Variants in SFMBT2 observed in about 807,000 individuals in gnomAD.
SFMBT2 encodes the protein scm-like with four MBT domains protein 2.
In SFMBT2, 38 loss-of-function variants were observed where a neutral mutation model predicts 110.1. The observed-to-expected ratio is 0.35, with a 90% CI of 0.27 to 0.45. The LOEUF is 0.45. SFMBT2 is among the 20% of genes least tolerant of loss of function. The pLI, the probability that SFMBT2 is intolerant of heterozygous loss-of-function variation, is 1.00. For synonymous variants in SFMBT2, 425 were observed against 425.4 expected (o/e 1.00, Z 0.01); for missense variants, 1,011 against 1,094.9 (o/e 0.92, Z 1.08).
chr10:7,276,746 T>G, intron 7 of SFMBT2, 146 bp downstream of exon 7: 1 of 606,334 alleles, frequency 1.6e-6, no homozygotes, highest in Non-Finnish European at 3.0e-6. Flanking sequence ...CAGGATGGTC[T>G]CGATCTCCTG....
chr10:7,189,504 C>T (rs1838530709), intron 15 of SFMBT2, among the ~76,000 whole-genome samples: 1 of 152,212 alleles, frequency 6.6e-6, no homozygotes, highest in African/African-American at 2.4e-5. Context: ...CCCTAAGGTG[C>T]TCACCTTTCA....
intron 6 of SFMBT2, among the ~76,000 whole-genome samples, chr10:7,281,447 T>C (rs778951298): frequency 1.4e-4 from 21 of 152,252 alleles, no homozygotes; most frequent in South Asian, 4.1e-4. Flanking sequence ...AGTGCCTTCA[T>C]AGTGTTTGGG....
At chr10:7,365,856 G>T in intron 4 of SFMBT2, among the ~76,000 whole-genome samples, 1 of 152,162 alleles carries the variant, frequency 6.6e-6, no homozygotes, top group East Asian at 1.9e-4. Flanking sequence ...GACTTTGGAG[G>T]TGATAAAAGA....
At chr10:7,268,994 T>C (rs956931803) in intron 7 of SFMBT2, among the ~76,000 whole-genome samples, 9 of 152,270 alleles carry the variant, frequency 5.9e-5, no homozygotes, top group African/African-American at 1.9e-4. Context: ...ATGGATAGTA[T>C]ATGGATAGTT....
At chr10:7,389,773 T>A (rs1365079533) in intron 1 of SFMBT2, among the ~76,000 whole-genome samples, 1 of 152,238 alleles carries the variant, frequency 6.6e-6, no homozygotes. Context: ...CAATCACCCC[T>A]TTCAAATCTA....
Position 7,197,500 on chromosome 10 carries a change from T to TA in SFMBT2, c.1698+47dup, listed in dbSNP as rs758598462. Reference sequence around the variant, plus strand: ...TTCAGAAACTGAGCCCACAGCTTTTTAAAAAATCCTGTTAAAATAAGCCAA... The same window carrying TA: ...TTCAGAAACTGAGCCCACAGCTTTTTAAAAAAATCCTGTTAAAATAAGCCAA... On this transcript the variant is annotated intron_variant, in intron 15 of 20. Transcript: ENST00000397167. 22 of 1,593,008 alleles carry TA rather than the reference T, an allele frequency of 1.4e-5. No individual in the cohort carries two copies. In the African/African-American group the frequency reaches 2.7e-4, roughly 20 times the overall value.
Position 7,172,750 on chromosome 10 carries a change from C to T in SFMBT2, c.1985-89G>A. On this transcript the variant is annotated intron_variant, in intron 17 of 20. Coordinates refer to ENST00000397167, the MANE Select transcript of SFMBT2 (RefSeq NM_001387889.1). The surrounding 1 kb of genome is among the most constrained non-coding windows in gnomAD (Gnocchi z 4.6). ...GGAGAGAGAAAGAAGGGAAACGATT[C>T]TTTCATCTGATAGTTCATTTGTGCC... is the stretch of plus-strand genomic sequence containing the variant. The T allele has an allele frequency of 1.4e-6, 2 of 1,424,972 alleles. No homozygotes were observed. Among genetic ancestry groups the T allele is most frequent in the Non-Finnish European group, 1.9e-6 (2 of 1,055,666 alleles). The allele number at this position is 1,424,972 out of a possible 1,614,324, so 88.3% of individuals were successfully genotyped here.
At chr10:7,315,038 GAGAAAGAAAGAA>G (rs545155500) in intron 4 of SFMBT2, among the ~76,000 whole-genome samples, 2,871 of 82,196 alleles carry the variant, frequency 0.035, 66 homozygotes, top group East Asian at 0.065. Flanking sequence ...AAGAAAGAAA[GAGAAAGAAAGAA>G]AGAAAGAAAG....
At chr10:7,297,174 G>A (rs1842427931) in intron 4 of SFMBT2, among the ~76,000 whole-genome samples, 1 of 152,252 alleles carries the variant, frequency 6.6e-6, no homozygotes, top group African/African-American at 2.4e-5. Context: ...AAACAGCAAT[G>A]AATCAGTCAT....
chr10:7,396,293 G>A (rs774231086), intron 1 of SFMBT2, among the ~76,000 whole-genome samples: 1 of 152,214 alleles, frequency 6.6e-6, no homozygotes, highest in Non-Finnish European at 1.5e-5. Context: ...GCACACAGTG[G>A]AGGTTGTTAT....
chr10:7,282,023 T>G (rs548812814), intron 6 of SFMBT2, among the ~76,000 whole-genome samples: 7 of 152,148 alleles, frequency 4.6e-5, no homozygotes, highest in Non-Finnish European at 8.8e-5. Flanking sequence ...TTTTTCTATT[T>G]TTTTCAGAGA....
intron 2 of SFMBT2, among the ~76,000 whole-genome samples, chr10:7,380,688 C>G (rs1373690948): frequency 6.6e-6 from 1 of 151,874 alleles, no homozygotes; most frequent in Non-Finnish European, 1.5e-5. Context: ...CTAAATAAAC[C>G]CTTTATTGTG....
intron 1 of SFMBT2, among the ~76,000 whole-genome samples, chr10:7,387,451 C>T (rs1310997254): frequency 6.6e-6 from 1 of 152,108 alleles, no homozygotes; most frequent in Non-Finnish European, 1.5e-5. Flanking sequence ...CAAGTCTGTC[C>T]GTCCAACCGC....
intron 1 of SFMBT2, among the ~76,000 whole-genome samples, chr10:7,407,927 T>A (rs1459275877): frequency 1.3e-5 from 2 of 152,290 alleles, no homozygotes; most frequent in African/African-American, 4.8e-5. Flanking sequence ...AGCCCCTAGG[T>A]GCCAGAGCGG....
chr10:7,359,462 C>A (rs934728304), intron 4 of SFMBT2, among the ~76,000 whole-genome samples: 1 of 152,200 alleles, frequency 6.6e-6, no homozygotes, highest in African/African-American at 2.4e-5. Flanking sequence ...ACACACAGCA[C>A]CAACTCCCCC....
At position 7,209,793 on chromosome 10, in the gene SFMBT2, C is replaced by T. The variant is rs76112467; in HGVS notation, c.1331-3865G>A. Among the ~76,000 whole-genome samples the T allele has an allele frequency of 4.1e-3, 621 of 152,338 alleles. 7 individuals carry two copies. Among genetic ancestry groups the T allele is most frequent in the Middle Eastern group, 0.02 (6 of 294 alleles). On this transcript the variant is annotated intron_variant, in intron 11 of 20. Transcript: ENST00000397167. ...CGGGGCACAGGAGTGGAGGGAGAAT[C>T]TGACCCAAGATAAACCTTTATGACT... is the stretch of plus-strand genomic sequence containing the variant.
chr10:7,384,378 G>T (rs894403038), intron 1 of SFMBT2, among the ~76,000 whole-genome samples: 1 of 152,028 alleles, frequency 6.6e-6, no homozygotes, highest in Non-Finnish European at 1.5e-5. Flanking sequence ...TAAATCTAAG[G>T]CAGGTAGTGT....
chr10:7,408,085 T>C lies in SFMBT2; in HGVS notation c.-52+2776A>G, dbSNP rs767206314. Among the ~76,000 whole-genome samples the C allele has an allele frequency of 1.5e-4, 23 of 152,210 alleles. No homozygotes were observed. Among genetic ancestry groups the C allele is most frequent in the Non-Finnish European group, 2.5e-4 (17 of 68,028 alleles). On this transcript the variant is annotated intron_variant, in intron 1 of 20. Coordinates refer to ENST00000397167, the MANE Select transcript of SFMBT2 (RefSeq NM_001387889.1). The surrounding 1 kb of genome is among the most constrained non-coding windows in gnomAD (Gnocchi z 5.7). ...CACGGCCTCGTGCAAAATCGCGGGT[T>C]TCGGGGCCTTGGAGCAAATTGCGCT...
intron 3 of SFMBT2, among the ~76,000 whole-genome samples, chr10:7,369,279 A>C (rs572187664): frequency 5.3e-5 from 8 of 152,270 alleles, no homozygotes; most frequent in Non-Finnish European, 1.2e-4. Context: ...CTCAGGCTGA[A>C]TCTTTGCCCT....
Sources: gnomAD v4.1 joint callset for allele counts (sites outside exome capture counted in the v4.1 genomes callset) on GRCh38, gnomAD v4.1.1 for gene constraint, Gnocchi (gnomAD v3.1) non-coding constraint, MANE v1.5 for transcripts, NCBI Gene and HGNC (gene_info 2026-07-23, HGNC 2026-07-21) for gene names.